The following PRKCZ variants were observed in gnomAD, a reference collection of about 807,000 sequenced individuals.
PRKCZ encodes the protein protein kinase C zeta type.
Under a neutral mutation model 79.5 loss-of-function variants are expected in PRKCZ, and 33 were observed. That is an observed-to-expected ratio of 0.41 (90% CI 0.31 to 0.55). The LOEUF is 0.55. PRKCZ is among the 20% of genes least tolerant of loss of function. The pLI, the probability that PRKCZ is intolerant of heterozygous loss-of-function variation, is 0.19. For missense variants in PRKCZ, 578 were observed against 813.5 expected (o/e 0.71, Z 3.52); for synonymous variants, 342 against 320.9 (o/e 1.07, Z -0.70).
intron 10 of PRKCZ, among the ~76,000 whole-genome samples, chr1:2,167,141 A>C (rs1395714372): frequency 6.6e-6 from 1 of 152,250 alleles, no homozygotes; most frequent in East Asian, 1.9e-4. Flanking sequence ...CAGCTTGAGC[A>C]GTTGCAAATT....
intron 16 of PRKCZ, among the ~76,000 whole-genome samples, chr1:2,179,119 A>G (rs1056951883): frequency 1.3e-5 from 2 of 152,154 alleles, no homozygotes; most frequent in African/African-American, 4.8e-5. Flanking sequence ...AGGCAGATCC[A>G]CCTGCCTTGC....
At chr1:2,140,117 A>G (rs436045) in intron 5 of PRKCZ, among the ~76,000 whole-genome samples, 115,661 of 152,172 alleles carry the variant, frequency 0.76, 44,497 homozygotes, top group African/African-American at 0.89. Context: ...TGCCTGTCAG[A>G]TTTGGTCCAA....
chr1:2,073,088 C>T (rs1661758260), intron 4 of PRKCZ, among the ~76,000 whole-genome samples: 1 of 152,048 alleles, frequency 6.6e-6, no homozygotes, highest in African/African-American at 2.4e-5. Context: ...CTGGGTCTCC[C>T]TAGGAGCCCG....
intron 4 of PRKCZ, among the ~76,000 whole-genome samples, chr1:2,086,449 C>T (rs1396363953): frequency 6.6e-6 from 1 of 152,226 alleles, no homozygotes; most frequent in Non-Finnish European, 1.5e-5. Flanking sequence ...AGGCTCTGGT[C>T]CTCCCAGGTT....
At chr1:2,175,135 G>A in intron 15 of PRKCZ, 89 bp from the exon 16 acceptor site, 1 of 1,146,780 alleles carries the variant, frequency 8.7e-7, no homozygotes, top group Non-Finnish European at 1.3e-6. Flanking sequence ...GGGAGGGCTT[G>A]TCAGCACTGG....
chr1:2,064,113 C>T (rs1660930189), intron 4 of PRKCZ, among the ~76,000 whole-genome samples: 1 of 152,236 alleles, frequency 6.6e-6, no homozygotes, highest in Admixed American at 6.5e-5. Flanking sequence ...TCCCAAAATG[C>T]TGGGATTATA....
Position 2,120,293 on chromosome 1 carries a change from G to GTTTTTTTTTTTT in PRKCZ, c.335-14951_335-14940dup, listed in dbSNP as rs59518072. Among the ~76,000 whole-genome samples the GTTTTTTTTTTTT allele has an allele frequency of 4.6e-4, 15 of 32,830 alleles. 3 individuals are homozygous for GTTTTTTTTTTTT. Among genetic ancestry groups the GTTTTTTTTTTTT allele is most frequent in the Non-Finnish European group, 5.2e-4 (9 of 17,452 alleles). 21.5% of individuals were successfully genotyped at this position (32,830 alleles called of 152,430 possible). On this transcript the variant is annotated intron_variant, in intron 4 of 17. Coordinates refer to ENST00000378567, the MANE Select transcript of PRKCZ (RefSeq NM_002744.6). ...GGAAAATATCAGCCCTTGACTTTTC[G>GTTTTTTTTTTTT]TTTTTTTTTTTTTTTTTTTTTTTTT... is the stretch of plus-strand genomic sequence containing the variant.
chr1:2,114,521 A>T (rs1421117188), intron 4 of PRKCZ, among the ~76,000 whole-genome samples: 1 of 152,254 alleles, frequency 6.6e-6, no homozygotes, highest in East Asian at 1.9e-4. Context: ...CACGCCTGTA[A>T]TCCCAGCACT....
chr1:2,070,197 C>T (rs929004853), intron 4 of PRKCZ, among the ~76,000 whole-genome samples: 2 of 152,030 alleles, frequency 1.3e-5, no homozygotes, highest in Admixed American at 1.3e-4. Context: ...CTGTCCACAG[C>T]ACAGATGGCA....
rs1448227856 is a variant in PRKCZ at position 2,059,569 on chromosome 1, C to T, written c.312C>T (p.Gly104=). ...TCCCGAGCACCCCTGAGCAGCCTGG[C>T]CTGCCATGTCCGGGAGAAGACAGTG... is the stretch of plus-strand genomic sequence containing the variant. ...HVFPSTPEQP[G]LPCPGEDKSI... is the part of the protein sequence containing the mutation. Residue 104 remains glycine (G), a synonymous_variant, in exon 4 of 18, where the codon GGC becomes GGT. Coordinates refer to ENST00000378567, the MANE Select transcript of PRKCZ (RefSeq NM_002744.6). 1 of 1,614,210 alleles carries T rather than the reference C, an allele frequency of 6.2e-7. No individual in the cohort carries two copies. The highest frequency in any genetic ancestry group is 8.5e-7 in the Non-Finnish European group (1 of 1,180,012).
chr1:2,072,478 G>A (rs951261345), intron 4 of PRKCZ, among the ~76,000 whole-genome samples: 8 of 152,214 alleles, frequency 5.3e-5, no homozygotes, highest in Non-Finnish European at 1.0e-4. Flanking sequence ...GGATGTGTGG[G>A]TGGGGCCTTT....
chr1:2,138,664 A>G (rs1048724480), intron 5 of PRKCZ, among the ~76,000 whole-genome samples: 1 of 152,132 alleles, frequency 6.6e-6, no homozygotes, highest in Non-Finnish European at 1.5e-5. Context: ...GGCCCGGCGC[A>G]GTGGCTCACG....
chr1:2,136,716 G>A (rs1233639994), intron 5 of PRKCZ, among the ~76,000 whole-genome samples: 4 of 152,102 alleles, frequency 2.6e-5, no homozygotes, highest in Non-Finnish European at 5.9e-5. Context: ...GGAGTATGGT[G>A]CCAGGGAGTG....
At chr1:2,056,068 C>G (rs530513419) in intron 2 of PRKCZ, among the ~76,000 whole-genome samples, 1 of 152,178 alleles carries the variant, frequency 6.6e-6, no homozygotes, top group Middle Eastern at 3.2e-3. Context: ...CACGGCCGTG[C>G]GGGTGGAGCC....
chr1:2,071,077 C>T (rs886449712), intron 4 of PRKCZ, among the ~76,000 whole-genome samples: 15 of 93,516 alleles, frequency 1.6e-4, no homozygotes, highest in Non-Finnish European at 3.2e-4. Flanking sequence ...CTGGGCAATG[C>T]GGGGGCCGAT....
intron 4 of PRKCZ, among the ~76,000 whole-genome samples, chr1:2,093,370 C>G (rs1216571624): frequency 6.6e-6 from 1 of 152,116 alleles, no homozygotes; most frequent in African/African-American, 2.4e-5. Context: ...TGGGGCAGGT[C>G]AGACCGCCGG....
At chr1:2,102,537 T>C (rs899964082) in intron 4 of PRKCZ, among the ~76,000 whole-genome samples, 6 of 151,950 alleles carry the variant, frequency 3.9e-5, no homozygotes, top group Non-Finnish European at 5.9e-5. Context: ...TTTCACTGTG[T>C]TAGCCGGGAT....
intron 4 of PRKCZ, among the ~76,000 whole-genome samples, chr1:2,092,453 C>T (rs755191776): frequency 1.2e-4 from 18 of 152,040 alleles, no homozygotes; most frequent in Admixed American, 9.8e-4. Flanking sequence ...GGGACTCGGC[C>T]GCGCCCTCCC....
chr1:2,079,147 G>C (rs771589952), intron 4 of PRKCZ, among the ~76,000 whole-genome samples: 1 of 152,200 alleles, frequency 6.6e-6, no homozygotes, highest in Admixed American at 6.5e-5. Context: ...CGGCCTGAAG[G>C]TGCCTTTTTA....
Sources: gnomAD v4.1 joint callset for allele counts (sites outside exome capture counted in the v4.1 genomes callset) on GRCh38, gnomAD v4.1.1 for gene constraint, MANE v1.5 for transcripts, NCBI Gene and HGNC (gene_info 2026-07-23, HGNC 2026-07-21) for gene names.